The following IER2 variants were observed in gnomAD, a reference collection of about 807,000 sequenced individuals.
IER2 encodes the protein immediate early response 2, also known as immediate early response gene 2 protein.
For missense variants in IER2, 372 were observed against 325.4 expected (o/e 1.14, Z -1.10); for synonymous variants, 198 against 149.6 (o/e 1.32, Z -2.36).
At position 13,153,342 on chromosome 19, in the gene IER2, G is replaced by A. The variant is rs1211925178; in HGVS notation, c.156G>A (p.Val52=). Residue 52 remains valine (V), a synonymous_variant, in exon 2 of 2, where the codon GTG becomes GTA. Transcript: ENST00000292433. ...SARELYLSAK[V]EALEPEVSLP... The stretch of plus-strand genomic sequence containing the variant: ...GGGAGCTCTACCTCTCGGCCAAGGT[G>A]GAGGCCCTCGAGCCCGAGGTGTCGT... 2.5e-6 allele frequency: 4 copies of A among 1,600,910 alleles called. No homozygotes were observed. In the African/African-American group the frequency reaches 5.4e-5, roughly 21 times the overall value.
chr19:13,151,803 C>CT (rs913237831), intron 1 of IER2, among the ~76,000 whole-genome samples: 1 of 126,304 alleles, frequency 7.9e-6, no homozygotes, highest in Non-Finnish European at 1.8e-5. Context: ...CCCTCCGCGC[C>CT]CCCCCCCCGG....
rs1291646967 is a variant in IER2, at chr19:13,154,665, G to A, written c.*807G>A. On this transcript the variant is annotated 3_prime_UTR_variant, in exon 2 of 2. Transcript: ENST00000292433. ...CAGACACACGGACACAATCAGCCGA[G>A]AAGTTCCTGGTCTGAATCACGAGAA... The A allele has an allele frequency of 6.0e-6, 1 of 167,314 alleles. No individual in the cohort carries two copies. Among genetic ancestry groups the A allele is most frequent in the East Asian group, 1.9e-4 (1 of 5,208 alleles). The allele number at this position is 167,314 out of a possible 1,614,324, so 10.4% of individuals were successfully genotyped here. A position where few individuals can be genotyped will look rare whatever the true frequency, so the allele number is the denominator to read the frequency against.
intron 1 of IER2, 190 bp from the exon 2 acceptor site, chr19:13,152,754 C>T (rs1011780289): frequency 2.8e-4 from 44 of 154,618 alleles, no homozygotes; most frequent in Non-Finnish European, 6.2e-4. Flanking sequence ...GGCCTCCAGA[C>T]GGGAGCATGT....
At position 13,153,841 on chromosome 19, in the gene IER2, G is replaced by A; in HGVS notation, c.655G>A (p.Ala219Thr). ...ADSMLNVLVRAVVAF is the reference protein window; with the variant it reads ...ADSMLNVLVRTVVAF ...CAGCATGCTCAACGTGCTCGTGCGG[G>A]CCGTGGTGGCCTTCTGAGGACCCCG... is the stretch of plus-strand genomic sequence containing the variant. Residue 219 changes from alanine to threonine, a missense_variant, in exon 2 of 2, where the codon GCC becomes ACC. Physicochemically the swap from Ala to Thr is moderately conservative, Grantham distance 58. Transcript: ENST00000292433. The A allele has an allele frequency of 6.9e-7, 1 of 1,442,368 alleles. No homozygotes were observed. The highest frequency in any genetic ancestry group is 9.0e-7 in the Non-Finnish European group (1 of 1,106,202). The allele number at this position is 1,442,368 out of a possible 1,614,324, so 89.3% of individuals were successfully genotyped here.
rs193288472 is a variant in IER2, at chr19:13,151,152, G to A, written c.-244+600G>A. On this transcript the variant is annotated intron_variant, in intron 1 of 1. Transcript: ENST00000292433. ...AGTGATAGGGGGCCTGGTCTCCCCT[G>A]GAGGGTGGGCGGGTTATCTGAGGGA... 2.1e-3 allele frequency among the ~76,000 whole-genome samples: 319 copies of A among 152,146 alleles called. 1 individual carries two copies. Among genetic ancestry groups the A allele is most frequent in the Non-Finnish European group, 2.7e-3 (182 of 67,988 alleles).
At chr19:13,151,713 C>G (rs1207104149) in intron 1 of IER2, among the ~76,000 whole-genome samples, 1 of 152,154 alleles carries the variant, frequency 6.6e-6, no homozygotes, top group East Asian at 1.9e-4. Flanking sequence ...GAATGCGAGT[C>G]AGGAAGCCTG....
chr19:13,153,383 C>T lies in IER2; in HGVS notation c.197C>T (p.Pro66Leu). The change falls in exon 2 of 2, where the codon CCC (proline) becomes CTC (leucine). Residue 66 changes from proline (P) to leucine (L), a missense_variant. Transcript: ENST00000292433. ...EPEVSLPAAL[P>L]SDPRLHPPRE... ...GAGGTGTCGTTGCCGGCCGCCCTCC[C>T]CTCTGACCCTCGCCTGCACCCGCCC... 1 of 1,591,360 alleles carries T rather than the reference C, an allele frequency of 6.3e-7. No homozygotes were observed. Among genetic ancestry groups the T allele is most frequent in the Non-Finnish European group, 8.5e-7 (1 of 1,171,428 alleles).
intron 1 of IER2, among the ~76,000 whole-genome samples, chr19:13,151,202 G>A (rs1488696546): frequency 6.6e-6 from 1 of 151,914 alleles, no homozygotes; most frequent in African/African-American, 2.4e-5. Context: ...GCCCCCTTGC[G>A]CGTCAGAGTT....
At position 13,150,618 on chromosome 19, in the gene IER2, G is replaced by A. The variant is rs1053263976; in HGVS notation, c.-244+66G>A. The A allele has an allele frequency of 1.5e-4, 25 of 168,950 alleles. No individual in the cohort carries two copies. The highest frequency in any genetic ancestry group is 5.0e-4 in the African/African-American group (21 of 41,628). 10.5% of individuals were successfully genotyped at this position (168,950 alleles called of 1,614,324 possible). Reference sequence around the variant, plus strand: ...TTATGGCTGGGGAAGGGGCTCATTCGATTCGTTGAAGCTTTTCATGGACTC... The same window carrying A: ...TTATGGCTGGGGAAGGGGCTCATTCAATTCGTTGAAGCTTTTCATGGACTC... On this transcript the variant is annotated intron_variant, in intron 1 of 1. Coordinates refer to ENST00000292433, the MANE Select transcript of IER2 (RefSeq NM_004907.3). The surrounding 1 kb of genome is among the most constrained non-coding windows in gnomAD (Gnocchi z 4.0).
intron 1 of IER2, among the ~76,000 whole-genome samples, chr19:13,151,228 A>C (rs2020052590): frequency 6.6e-6 from 1 of 150,818 alleles, no homozygotes; most frequent in Non-Finnish European, 1.5e-5. Context: ...GTGGGGTCTC[A>C]GAGATAGCGC....
At chr19:13,151,362 A>G (rs2020055173) in intron 1 of IER2, among the ~76,000 whole-genome samples, 1 of 134,310 alleles carries the variant, frequency 7.4e-6, no homozygotes, top group Non-Finnish European at 1.6e-5. Context: ...TGGGAAGGGT[A>G]TTTTAGGGGG....
rs2020041135 is a variant in IER2 at position 13,150,575 on chromosome 19, A to G, written c.-244+23A>G. On this transcript the variant is annotated intron_variant, in intron 1 of 1. Coordinates refer to ENST00000292433, the MANE Select transcript of IER2 (RefSeq NM_004907.3). This position sits in a 1 kb window ranked among gnomAD's most constrained non-coding sequence, Gnocchi z 4.0. ...AATGTAAATAATGATAGCCTCCCTC[A>G]TCTCTGGCGGCTGGGTATTATGGCT... The G allele has an allele frequency of 5.3e-6, 1 of 187,818 alleles. No homozygotes were observed. Among genetic ancestry groups the G allele is most frequent in the African/African-American group, 2.4e-5 (1 of 41,718 alleles). The allele number at this position is 187,818 out of a possible 1,614,324, so 11.6% of individuals were successfully genotyped here.
rs2145648928 is a variant in IER2 at position 13,154,099 on chromosome 19, C to G, written c.*241C>G. The G allele has an allele frequency of 2.1e-6, 1 of 482,866 alleles. No homozygotes were observed. The highest frequency in any genetic ancestry group is 3.6e-5 in the East Asian group (1 of 27,738). 29.9% of individuals were successfully genotyped at this position (482,866 alleles called of 1,614,324 possible). On this transcript the variant is annotated 3_prime_UTR_variant, in exon 2 of 2. Coordinates refer to ENST00000292433, the MANE Select transcript of IER2 (RefSeq NM_004907.3). ...GAGCCGGGGGCGCGGGCGCCTTCCG[C>G]AGAGACCTGCGCCCACAGGTGCTGT...
In IER2 at chr19:13,153,484, G is replaced by T; in HGVS notation, c.298G>T (p.Glu100Ter). 1 of 1,589,698 alleles carries T rather than the reference G, an allele frequency of 6.3e-7. No homozygotes were observed. Among genetic ancestry groups the T allele is most frequent in the East Asian group, 2.3e-5 (1 of 43,422 alleles). The change falls in exon 2 of 2, where the codon GAG becomes TAG. Residue 100 changes from glutamate (E) to a stop codon, truncating the protein, a stop_gained. Transcript: ENST00000292433. LOFTEE classifies it low-confidence loss of function (END_TRUNC). ...HPFPEPMDTQ[E>*]APTAEETSAC... ...GTTTCCGGAGCCAATGGACACGCAGGAGGCGCCGACAGCCGAGGAGACCTC... is the reference window on the plus strand; with the variant it reads ...GTTTCCGGAGCCAATGGACACGCAGTAGGCGCCGACAGCCGAGGAGACCTC...
In IER2 at chr19:13,153,984, C is replaced by A; in HGVS notation, c.*126C>A. ...CGCCCGCGAAAACCGTGGAGAGAAGCCGCCGCCCGGGCTGCTGAGAGGCCC... is the reference window on the plus strand; with the variant it reads ...CGCCCGCGAAAACCGTGGAGAGAAGACGCCGCCCGGGCTGCTGAGAGGCCC... On this transcript the variant is annotated 3_prime_UTR_variant, in exon 2 of 2. Transcript: ENST00000292433. 1.2e-6 allele frequency: 1 copy of A among 824,534 alleles called. No homozygotes were observed. Among genetic ancestry groups the A allele is most frequent in the Non-Finnish European group, 1.8e-6 (1 of 563,674 alleles). 51.1% of individuals were successfully genotyped at this position (824,534 alleles called of 1,614,324 possible). A position where few individuals can be genotyped will look rare whatever the true frequency, so the allele number is the denominator to read the frequency against.
At chr19:13,152,631 C>T (rs1036682837) in intron 1 of IER2, 7 of 152,314 alleles carry the variant, frequency 4.6e-5, no homozygotes, top group Admixed American at 3.3e-4. Flanking sequence ...GTGCAGAAAA[C>T]ACTCATTAGA....
At position 13,153,704 on chromosome 19, in the gene IER2, A is replaced by G. The variant is rs752652013; in HGVS notation, c.518A>G (p.Asn173Ser). 1.7e-5 allele frequency: 27 copies of G among 1,610,102 alleles called. No individual in the cohort carries two copies. Among genetic ancestry groups the G allele is most frequent in the South Asian group, 2.2e-5 (2 of 91,040 alleles). ...PPAQAEGAFPNLARVLQRRFS... is the reference protein window; with the variant it reads ...PPAQAEGAFPSLARVLQRRFS... ...GCGCAAGCGGAGGGCGCCTTTCCCA[A>G]CCTGGCCCGCGTCCTGCAGAGGCGC... Residue 173 changes from asparagine (N) to serine (S), a missense_variant, in exon 2 of 2, where the codon AAC becomes AGC. Coordinates refer to ENST00000292433, the MANE Select transcript of IER2 (RefSeq NM_004907.3).
rs760788204 is a variant in IER2 at position 13,153,161 on chromosome 19, C to T, written c.-26C>T. Reference sequence around the variant, plus strand: ...GCCTGTTCTGTCCCTCCCGGGAGCCCCCGCCGCTGTCGCCGTCGAGTCGCC... The same window carrying T: ...GCCTGTTCTGTCCCTCCCGGGAGCCTCCGCCGCTGTCGCCGTCGAGTCGCC... On this transcript the variant is annotated 5_prime_UTR_variant, in exon 2 of 2. Coordinates refer to ENST00000292433, the MANE Select transcript of IER2 (RefSeq NM_004907.3). 2 of 1,486,950 alleles carry T rather than the reference C, an allele frequency of 1.3e-6. No individual in the cohort carries two copies. The highest frequency in any genetic ancestry group is 2.8e-5 in the South Asian group (2 of 72,196). 92.1% of individuals were successfully genotyped at this position (1,486,950 alleles called of 1,614,324 possible).
chr19:13,150,496 C>T lies in IER2; in HGVS notation c.-300C>T, dbSNP rs938510841. On this transcript the variant is annotated 5_prime_UTR_variant, in exon 1 of 2. Transcript: ENST00000292433. The surrounding 1 kb of genome is among the most constrained non-coding windows in gnomAD (Gnocchi z 4.0). ...CCGAGTTCGGAATTTCGGTTCAAGG[C>T]CCAGTTCCTCGGATTGTTCCTGCGC... is the stretch of plus-strand genomic sequence containing the variant. 1.9e-4 allele frequency: 57 copies of T among 304,702 alleles called. No homozygotes were observed. Among genetic ancestry groups the T allele is most frequent in the South Asian group, 2.6e-4 (6 of 22,984 alleles). 18.9% of individuals were successfully genotyped at this position (304,702 alleles called of 1,614,324 possible).
Sources: gnomAD v4.1 joint callset for allele counts (sites outside exome capture counted in the v4.1 genomes callset) on GRCh38, gnomAD v4.1.1 for gene constraint, Gnocchi (gnomAD v3.1) non-coding constraint, MANE v1.5 for transcripts, NCBI Gene and HGNC (gene_info 2026-07-23, HGNC 2026-07-21) for gene names.